The following DPH6 variants were observed in gnomAD, a reference collection of about 807,000 sequenced individuals.
DPH6 encodes diphthamine biosynthesis 6, also known as diphthine--ammonia ligase.
In DPH6, 33 loss-of-function variants were observed where a neutral mutation model predicts 38.2. The observed-to-expected ratio is 0.86, with a 90% CI of 0.65 to 1.15. The LOEUF (loss-of-function observed/expected upper bound fraction) is 1.15, where lower values mean the gene tolerates loss of function less well. Among genes scored for constraint, DPH6 ranks in the 50% most tolerant of loss-of-function variants. The pLI is 0.00. For synonymous variants in DPH6, 108 were observed against 103.0 expected, an observed-to-expected ratio of 1.05 and a Z score of -0.30; for missense variants, 325 against 320.0, an observed-to-expected ratio of 1.02 and a Z score of -0.12.
intron 7 of DPH6, 59 bp from the exon 8 acceptor site, chr15:35,373,667 C>T (rs1010439088): frequency 1.4e-6 from 2 of 1,390,422 alleles, no homozygotes; most frequent in South Asian, 1.2e-5. Flanking sequence ...ACAAATCATT[C>T]CTCCTACTGA....
chr15:35,408,293 G>A (rs1270100229), intron 6 of DPH6, among the ~76,000 whole-genome samples: 1 of 151,950 alleles, frequency 6.6e-6, no homozygotes, highest in African/African-American at 2.4e-5. Flanking sequence ...TTATCTTGAG[G>A]CAAGAAGCAA....
intron 1 of DPH6, among the ~76,000 whole-genome samples, chr15:35,545,245 C>A (rs1293479436): frequency 6.6e-6 from 1 of 152,202 alleles, no homozygotes; most frequent in Non-Finnish European, 1.5e-5. Flanking sequence ...AGTAGTCTAA[C>A]TTTTTAATGT....
At chr15:35,170,061 T>C in the DPH6 span, among the ~76,000 whole-genome samples, 6 of 152,364 alleles carry the variant, frequency 3.9e-5, no homozygotes, top group East Asian at 1.2e-3. Context: ...GCATGCAATT[T>C]AGGCTAATTT....
intron 3 of DPH6, among the ~76,000 whole-genome samples, chr15:35,532,164 T>G (rs2055098462): frequency 6.6e-6 from 1 of 152,122 alleles, no homozygotes; most frequent in Non-Finnish European, 1.5e-5. Context: ...ATCCCAGAGG[T>G]GCTTGTGTGA....
intron 6 of DPH6, among the ~76,000 whole-genome samples, chr15:35,391,384 T>G (rs1304449260): frequency 2.0e-5 from 3 of 152,200 alleles, no homozygotes; most frequent in Non-Finnish European, 2.9e-5. Context: ...GACAGGGACA[T>G]TTAAGTCTGC....
At chr15:35,541,149 A>C (rs1343877804) in intron 2 of DPH6, among the ~76,000 whole-genome samples, 2 of 152,080 alleles carry the variant, frequency 1.3e-5, no homozygotes, top group East Asian at 3.9e-4. Flanking sequence ...AAACATGTGC[A>C]TTTACCTCTG....
At chr15:35,466,149 T>C (rs980710585) in intron 3 of DPH6, among the ~76,000 whole-genome samples, 1 of 152,136 alleles carries the variant, frequency 6.6e-6, no homozygotes, top group Non-Finnish European at 1.5e-5. Context: ...TGTTCAGTGA[T>C]CCTGCCACTG....
intron 5 of DPH6, among the ~76,000 whole-genome samples, chr15:35,436,381 G>A (rs1372438031): frequency 2.0e-5 from 3 of 152,022 alleles, no homozygotes; most frequent in Non-Finnish European, 4.4e-5. Context: ...CAGGAGAATG[G>A]CGTGAACCAG....
the DPH6 span, among the ~76,000 whole-genome samples, chr15:35,190,979 T>G: frequency 6.6e-6 from 1 of 152,180 alleles, no homozygotes; most frequent in Non-Finnish European, 1.5e-5. Context: ...GTTTTGATTC[T>G]GAGGTAGCTT....
chr15:35,283,073 CTTCTTCTTCTTCCTTCT>C (rs1364741599), intron 3 of DPH6: 2 of 164,706 alleles, frequency 1.2e-5, no homozygotes, highest in South Asian at 2.9e-4. Flanking sequence ...TCTTCTTCCT[CTTCTTCTTCTTCCTTCT>C]TTCTTCTTCT....
chr15:35,300,989 T>A (rs2052050740), intron 3 of DPH6, among the ~76,000 whole-genome samples: 1 of 152,222 alleles, frequency 6.6e-6, no homozygotes, highest in Non-Finnish European at 1.5e-5. Flanking sequence ...TAGAATTGAA[T>A]GATCACACTT....
chr15:35,353,081 T>G (rs1189401608), intron 3 of DPH6, among the ~76,000 whole-genome samples: 3 of 152,262 alleles, frequency 2.0e-5, no homozygotes, highest in Non-Finnish European at 4.4e-5. Flanking sequence ...TGTCTTCTTT[T>G]GAGAAGTGTC....
intron 3 of DPH6, among the ~76,000 whole-genome samples, chr15:35,491,833 C>A (rs1329913405): frequency 6.7e-6 from 1 of 149,542 alleles, no homozygotes; most frequent in Non-Finnish European, 1.5e-5. Flanking sequence ...ATCTATATAT[C>A]TTATATATTA....
intron 3 of DPH6, among the ~76,000 whole-genome samples, chr15:35,515,978 G>A (rs529259387): frequency 1.3e-5 from 2 of 152,094 alleles, no homozygotes; most frequent in South Asian, 2.1e-4. Flanking sequence ...TTTTTAATAG[G>A]TGGTCACTCA....
intron 3 of DPH6, among the ~76,000 whole-genome samples, chr15:35,303,282 T>C (rs2052066631): frequency 6.6e-6 from 1 of 151,968 alleles, no homozygotes; most frequent in Non-Finnish European, 1.5e-5. Flanking sequence ...ATGTTATCTA[T>C]ATGTAGTCAG....
intron 1 of DPH6, 29 bp from the exon 2 acceptor site, chr15:35,542,536 TATC>T (rs2055268874): frequency 6.6e-7 from 1 of 1,520,372 alleles, no homozygotes; most frequent in African/African-American, 1.4e-5. Flanking sequence ...GAGGGACAAA[TATC>T]ATGCTACTGA....
intron 3 of DPH6, among the ~76,000 whole-genome samples, chr15:35,279,048 C>CAAAAAAAA (rs71123126): frequency 2.8e-5 from 2 of 70,670 alleles, no homozygotes; most frequent in African/African-American, 6.6e-5. Flanking sequence ...GACTCTGTCT[C>CAAAAAAAA]AAAAAAAAAA....
At chr15:35,283,645 G>A (rs2051918146) in intron 3 of DPH6, among the ~76,000 whole-genome samples, 1 of 151,950 alleles carries the variant, frequency 6.6e-6, no homozygotes. Flanking sequence ...CCCAGGGAAG[G>A]GTCCTCTAGA....
chr15:35,409,338 G>A (rs898748934), intron 6 of DPH6, among the ~76,000 whole-genome samples: 6 of 152,010 alleles, frequency 3.9e-5, no homozygotes, highest in Middle Eastern at 3.4e-3. Context: ...CCATTATGGA[G>A]AATGGGAGGA....
Sources: gnomAD v4.1 joint callset for allele counts (sites outside exome capture counted in the v4.1 genomes callset) on GRCh38, gnomAD v4.1.1 for gene constraint, MANE v1.5 for transcripts, NCBI Gene and HGNC (gene_info 2026-07-23, HGNC 2026-07-21) for gene names.